The following DUSP5 variants were observed in gnomAD, a reference collection of about 807,000 sequenced individuals.
DUSP5 encodes the protein dual specificity phosphatase 5.
DUSP5 carries 22 observed loss-of-function variants against 33.6 expected under a neutral mutation model. That is an observed-to-expected ratio of 0.66 (90% CI 0.47 to 0.94). The LOEUF (loss-of-function observed/expected upper bound fraction) is 0.94, where lower values mean the gene tolerates loss of function less well. DUSP5 is among the 40% of genes least tolerant of loss of function. The pLI, the probability that DUSP5 is intolerant of heterozygous loss-of-function variation, is 0.00. For synonymous variants in DUSP5, 270 were observed against 231.1 expected (o/e 1.17, Z -1.53); for missense variants, 551 against 522.1 (o/e 1.06, Z -0.54).
intron 1 of DUSP5, among the ~76,000 whole-genome samples, chr10:110,499,958 A>G (rs539184256): frequency 1.2e-4 from 18 of 152,316 alleles, no homozygotes; most frequent in South Asian, 4.1e-4. Context: ...AGGCAGCTCT[A>G]TAGACTCACA....
At chr10:110,507,386 T>G (rs1470250661) in intron 3 of DUSP5, among the ~76,000 whole-genome samples, 1 of 152,258 alleles carries the variant, frequency 6.6e-6, no homozygotes, top group Non-Finnish European at 1.5e-5. Flanking sequence ...AATATAATTT[T>G]ATGGCAGTAC....
chr10:110,497,913 T>A lies in DUSP5; in HGVS notation c.-209T>A, dbSNP rs911873977. 15 of 214,616 alleles carry A rather than the reference T, an allele frequency of 7.0e-5. No individual in the cohort carries two copies. Among genetic ancestry groups the A allele is most frequent in the Non-Finnish European group, 1.2e-4 (15 of 125,630 alleles). 13.3% of individuals were successfully genotyped at this position (214,616 alleles called of 1,614,324 possible). A position where few individuals can be genotyped will look rare whatever the true frequency, so the allele number is the denominator to read the frequency against. ...CGCGGCCGGCGGAATCCCCGGCTTC[T>A]AGGGCGGCGAGCGGCCGGGCTGGCT... is the stretch of plus-strand genomic sequence containing the variant. On this transcript the variant is annotated 5_prime_UTR_variant, in exon 1 of 4. Coordinates refer to ENST00000369583, the MANE Select transcript of DUSP5 (RefSeq NM_004419.4).
chr10:110,510,512 A>G lies in DUSP5; in HGVS notation c.*86A>G. 7.1e-7 allele frequency: 1 copy of G among 1,415,994 alleles called. No individual in the cohort carries two copies. 87.7% of individuals were successfully genotyped at this position (1,415,994 alleles called of 1,614,324 possible). ...CATGGACATTTCATACCTGTGCAAT[A>G]CTGAAGACCTCATTCTGTCATGCTG... On this transcript the variant is annotated 3_prime_UTR_variant, in exon 4 of 4. Transcript: ENST00000369583.
chr10:110,508,266 A>G (rs1356931451), intron 3 of DUSP5, among the ~76,000 whole-genome samples: 3 of 152,022 alleles, frequency 2.0e-5, no homozygotes, highest in East Asian at 3.9e-4. Flanking sequence ...AAGGCAGCCA[A>G]ATGATGGGTT....
chr10:110,498,285 C>A lies in DUSP5; in HGVS notation c.164C>A (p.Ala55Asp). ...CTCAACTCGGTGGTGCTGCGGCGGG[C>A]CCGGGGCGGCGCGGTGTCGGCGCGC... Reference protein sequence around the residue: ...VNLNSVVLRRARGGAVSARYV... With the variant: ...VNLNSVVLRRDRGGAVSARYV... Residue 55 changes from alanine to aspartate, a missense_variant, in exon 1 of 4, where the codon GCC (alanine) becomes GAC (aspartate). By Grantham distance (126) the Ala-to-Asp change is moderately radical (BLOSUM62 -2). Around this residue, in one of 3 missense-constraint regions of DUSP5, gnomAD observed 381 missense variants for 310.4 expected, o/e 1.23. Coordinates refer to ENST00000369583, the MANE Select transcript of DUSP5 (RefSeq NM_004419.4). 6.9e-7 allele frequency: 1 copy of A among 1,451,160 alleles called. No homozygotes were observed. The highest frequency in any genetic ancestry group is 9.1e-7 in the Non-Finnish European group (1 of 1,095,366). 89.9% of individuals were successfully genotyped at this position (1,451,160 alleles called of 1,614,324 possible). A position where few individuals can be genotyped will look rare whatever the true frequency, so the allele number is the denominator to read the frequency against.
chr10:110,500,313 G>A (rs1294096795), intron 1 of DUSP5, among the ~76,000 whole-genome samples: 1 of 152,198 alleles, frequency 6.6e-6, no homozygotes, highest in East Asian at 1.9e-4. Context: ...TCCAAGCAAT[G>A]CGGTAGATGT....
intron 3 of DUSP5, among the ~76,000 whole-genome samples, chr10:110,507,424 G>A (rs1300377807): frequency 6.6e-6 from 1 of 152,218 alleles, no homozygotes; most frequent in Admixed American, 6.5e-5. Flanking sequence ...ATTGTTTCTA[G>A]CTGGGCAGGA....
At chr10:110,498,580 C>T (rs1237351262) in intron 1 of DUSP5, 80 bp downstream of exon 1, 3 of 1,336,566 alleles carry the variant, frequency 2.2e-6, no homozygotes, top group African/African-American at 3.1e-5. Flanking sequence ...CCCTCCTACA[C>T]CCTGGGACCG....
intron 2 of DUSP5, among the ~76,000 whole-genome samples, chr10:110,504,695 G>A (rs1300847082): frequency 6.6e-6 from 1 of 152,142 alleles, no homozygotes; most frequent in Non-Finnish European, 1.5e-5. Context: ...CCAGGGAGTG[G>A]GTCCAACTCA....
At chr10:110,509,034 T>C (rs1272003616) in intron 3 of DUSP5, among the ~76,000 whole-genome samples, 1 of 152,222 alleles carries the variant, frequency 6.6e-6, no homozygotes, top group East Asian at 1.9e-4. Context: ...TTTTGCGTAT[T>C]GTAGCCTGCG....
chr10:110,503,061 G>A (rs1860075957), intron 2 of DUSP5, among the ~76,000 whole-genome samples, 192 bp downstream of exon 2: 1 of 152,210 alleles, frequency 6.6e-6, no homozygotes, highest in Admixed American at 6.5e-5. Context: ...CCATCCAAGA[G>A]TAAATGGGCT....
At chr10:110,507,477 G>C (rs983019664) in intron 3 of DUSP5, among the ~76,000 whole-genome samples, 1 of 152,214 alleles carries the variant, frequency 6.6e-6, no homozygotes, top group African/African-American at 2.4e-5. Flanking sequence ...AGGAAAGCAG[G>C]GGGAAGAACC....
At position 110,510,955 on chromosome 10, in the gene DUSP5, A is replaced by G. The variant is rs1410473856; in HGVS notation, c.*529A>G. ...TTGTAGGGACATGATCAGCATCCTG[A>G]TTTGAACCCTGAAATGTTGTGTAGA... On this transcript the variant is annotated 3_prime_UTR_variant, in exon 4 of 4. Coordinates refer to ENST00000369583, the MANE Select transcript of DUSP5 (RefSeq NM_004419.4). The G allele has an allele frequency of 1.3e-5, 2 of 153,308 alleles. No homozygotes were observed. The highest frequency in any genetic ancestry group is 4.8e-5 in the African/African-American group (2 of 41,462). The allele number at this position is 153,308 out of a possible 1,614,324, so 9.5% of individuals were successfully genotyped here. A position where few individuals can be genotyped will look rare whatever the true frequency, so the allele number is the denominator to read the frequency against.
intron 1 of DUSP5, among the ~76,000 whole-genome samples, chr10:110,502,327 C>G (rs547501521): frequency 6.6e-6 from 1 of 152,194 alleles, no homozygotes; most frequent in Non-Finnish European, 1.5e-5. Flanking sequence ...ACTTCAGGAG[C>G]CTGTCTTCTC....
Position 110,501,290 on chromosome 10 carries a change from G to A in DUSP5, c.380-1431G>A, listed in dbSNP as rs908597184. Among the ~76,000 whole-genome samples the A allele has an allele frequency of 7.9e-5, 12 of 152,302 alleles. No individual in the cohort carries two copies. The East Asian group carries it at 1.7e-3, about 22-fold the overall frequency. On this transcript the variant is annotated intron_variant, in intron 1 of 3. Transcript: ENST00000369583. ...TATAGCACCATCTTGCACCTCTGCC[G>A]TGGCCTCCCGTTGTCGTGGGGAGCA...
chr10:110,498,832 G>C (rs896591089), intron 1 of DUSP5, among the ~76,000 whole-genome samples: 10 of 151,980 alleles, frequency 6.6e-5, no homozygotes, highest in African/African-American at 2.4e-4. Flanking sequence ...CGCGAGCTTC[G>C]CCGCTGTCGC....
In DUSP5 at chr10:110,510,632, A is replaced by G. The variant is rs970919826; in HGVS notation, c.*206A>G. 1 of 655,864 alleles carries G rather than the reference A, an allele frequency of 1.5e-6. No homozygotes were observed. The highest frequency in any genetic ancestry group is 1.8e-5 in the African/African-American group (1 of 54,902). The allele number at this position is 655,864 out of a possible 1,614,324, so 40.6% of individuals were successfully genotyped here. A position where few individuals can be genotyped will look rare whatever the true frequency, so the allele number is the denominator to read the frequency against. ...GGGACTGAAGGAAGGCCAAGCCATT[A>G]CGGGAGCACAGCATGTGCTGACTAC... On this transcript the variant is annotated 3_prime_UTR_variant, in exon 4 of 4. Transcript: ENST00000369583.
intron 1 of DUSP5, 119 bp downstream of exon 1, chr10:110,498,619 C>G: frequency 7.8e-7 from 1 of 1,279,474 alleles, no homozygotes; most frequent in Non-Finnish European, 9.9e-7. Flanking sequence ...GGAGTCTGCA[C>G]CCTGTGGCTT....
chr10:110,506,906 T>G (rs1235505687), intron 2 of DUSP5, 29 bp from the exon 3 acceptor site: 1 of 1,606,170 alleles, frequency 6.2e-7, no homozygotes, highest in Admixed American at 1.7e-5. Flanking sequence ...ATCCAATATT[T>G]CCTGATTGTC....
Sources: allele counts gnomAD v4.1 joint callset (sites outside exome capture counted in the v4.1 genomes callset), GRCh38; gene constraint gnomAD v4.1.1; regional missense constraint gnomAD v4.1.1; transcripts MANE v1.5; gene names NCBI Gene and HGNC (gene_info 2026-07-23, HGNC 2026-07-21).